Variants in RAD51B observed in about 807,000 individuals in gnomAD.
RAD51B encodes the protein DNA repair protein RAD51 homolog 2.
RAD51B carries 38 observed loss-of-function variants against 42.2 expected under a neutral mutation model. The ratio of observed to expected loss-of-function variants is 0.90; its 90% CI spans 0.70 to 1.18. The LOEUF is 1.18. RAD51B is among the 50% of genes most tolerant of loss of function. The pLI is 0.00. For missense variants in RAD51B, 373 were observed against 400.7 expected, an observed-to-expected ratio of 0.93 and a Z score of 0.59; for synonymous variants, 154 against 145.2, an observed-to-expected ratio of 1.06 and a Z score of -0.43.
chr14:67,948,689 T>C (rs552763702), intron 7 of RAD51B, among the ~76,000 whole-genome samples: 1 of 152,086 alleles, frequency 6.6e-6, no homozygotes, highest in Non-Finnish European at 1.5e-5. Flanking sequence ...CCCAGCACTT[T>C]GGGAGGCTGA....
chr14:68,407,331 G>A (rs1298197031), intron 8 of RAD51B, among the ~76,000 whole-genome samples: 1 of 152,080 alleles, frequency 6.6e-6, no homozygotes, highest in Admixed American at 6.5e-5. Context: ...TTGATAAAAA[G>A]TATAGTAAAT....
At chr14:68,476,479 C>G (rs934236210) in intron 10 of RAD51B, among the ~76,000 whole-genome samples, 1 of 152,256 alleles carries the variant, frequency 6.6e-6, no homozygotes, top group South Asian at 2.1e-4. Context: ...TGAATTTCAC[C>G]GATGAAGTGT....
chr14:68,061,531 C>G (rs2076569100), intron 7 of RAD51B, among the ~76,000 whole-genome samples: 1 of 152,058 alleles, frequency 6.6e-6, no homozygotes, highest in Non-Finnish European at 1.5e-5. Flanking sequence ...TGAATATGGG[C>G]TGCCTTTTCA....
chr14:68,556,963 T>C (rs1040480743), intron 10 of RAD51B, among the ~76,000 whole-genome samples: 3 of 152,232 alleles, frequency 2.0e-5, no homozygotes, highest in Non-Finnish European at 4.4e-5. Context: ...GTCCCCGGCA[T>C]TGGGGCACTG....
chr14:67,842,585 G>A (rs993549472), intron 4 of RAD51B, among the ~76,000 whole-genome samples: 3 of 152,250 alleles, frequency 2.0e-5, no homozygotes, highest in Admixed American at 1.3e-4. Flanking sequence ...GGCCAAGCTG[G>A]TCTTGAACTC....
At chr14:67,994,773 A>G (rs1386466013) in intron 7 of RAD51B, among the ~76,000 whole-genome samples, 1 of 152,222 alleles carries the variant, frequency 6.6e-6, no homozygotes, top group Non-Finnish European at 1.5e-5. Flanking sequence ...CATTTCCCAT[A>G]ATCATCTCAA....
intron 7 of RAD51B, among the ~76,000 whole-genome samples, chr14:67,987,043 A>T (rs1566558123): frequency 1.3e-5 from 2 of 151,790 alleles, no homozygotes; most frequent in Admixed American, 1.3e-4. Context: ...CCTTCAGTCT[A>T]TTTTTTATTT....
chr14:68,148,430 C>T (rs2078302007), intron 7 of RAD51B, among the ~76,000 whole-genome samples: 1 of 152,236 alleles, frequency 6.6e-6, no homozygotes, highest in Admixed American at 6.5e-5. Context: ...TTTGCTTTCT[C>T]ACCAGCAATG....
intron 7 of RAD51B, among the ~76,000 whole-genome samples, chr14:68,277,375 G>C (rs556468753): frequency 6.6e-6 from 1 of 152,294 alleles, no homozygotes; most frequent in South Asian, 2.1e-4. Flanking sequence ...GTAAGACCTA[G>C]CTTTCTCATG....
chr14:67,867,937 T>C (rs191830672), intron 5 of RAD51B, among the ~76,000 whole-genome samples: 2 of 152,314 alleles, frequency 1.3e-5, no homozygotes, highest in African/African-American at 4.8e-5. Flanking sequence ...GATTCACATA[T>C]ATAGAATTTA....
downstream of RAD51B, among the ~76,000 whole-genome samples, chr14:68,598,906 A>G (rs1349229766): frequency 1.3e-5 from 2 of 152,248 alleles, no homozygotes; most frequent in Non-Finnish European, 2.9e-5. Flanking sequence ...AAGGAGAACA[A>G]AAGACCTCCT....
At chr14:68,350,145 T>C (rs2082755855) in intron 8 of RAD51B, among the ~76,000 whole-genome samples, 1 of 152,322 alleles carries the variant, frequency 6.6e-6, no homozygotes, top group East Asian at 1.9e-4. Flanking sequence ...ATCATGTCTC[T>C]AGGGAAGGAT....
intron 5 of RAD51B, among the ~76,000 whole-genome samples, chr14:67,869,821 A>G (rs1306628058): frequency 6.6e-6 from 1 of 152,224 alleles, no homozygotes; most frequent in Non-Finnish European, 1.5e-5. Flanking sequence ...CCAGAATTTC[A>G]TATCCAGCCA....
intron 10 of RAD51B, among the ~76,000 whole-genome samples, chr14:68,470,098 A>G (rs2086084204): frequency 1.3e-5 from 2 of 152,170 alleles, no homozygotes; most frequent in South Asian, 4.1e-4. Flanking sequence ...GTTGGAAAAC[A>G]GGGGAGAAAG....
chr14:68,457,938 C>A, intron 9 of RAD51B, among the ~76,000 whole-genome samples: 2 of 148,146 alleles, frequency 1.4e-5, no homozygotes, highest in African/African-American at 2.5e-5. Flanking sequence ...ACTTTCAAAC[C>A]ACATGTAAAG....
intron 7 of RAD51B, among the ~76,000 whole-genome samples, chr14:68,259,267 C>A (rs2080824402): frequency 7.6e-6 from 1 of 130,856 alleles, no homozygotes; most frequent in Non-Finnish European, 1.5e-5. Context: ...AGTGAGGACA[C>A]AGGAAGGGGA....
At chr14:67,999,373 T>C (rs2075439968) in intron 7 of RAD51B, among the ~76,000 whole-genome samples, 1 of 152,180 alleles carries the variant, frequency 6.6e-6, no homozygotes, top group Non-Finnish European at 1.5e-5. Context: ...TGCTATATGA[T>C]ACATATTAGG....
intron 7 of RAD51B, among the ~76,000 whole-genome samples, chr14:68,115,211 A>G (rs1196942212): frequency 2.9e-5 from 4 of 136,518 alleles, no homozygotes; most frequent in Non-Finnish European, 6.0e-5. Context: ...AATACTATGC[A>G]GCCATAAAAA....
intron 7 of RAD51B, among the ~76,000 whole-genome samples, chr14:68,155,479 A>C (rs997002817): frequency 2.0e-5 from 3 of 152,268 alleles, no homozygotes; most frequent in Middle Eastern, 6.8e-3. Context: ...GGCATGAGCC[A>C]CCGCGCCCGG....
Sources: allele counts gnomAD v4.1 joint callset (sites outside exome capture counted in the v4.1 genomes callset), GRCh38; gene constraint gnomAD v4.1.1; transcripts MANE v1.5; gene names NCBI Gene and HGNC (gene_info 2026-07-23, HGNC 2026-07-21).